The following TMPRSS15 variants were observed in gnomAD, a reference collection of about 807,000 sequenced individuals.
TMPRSS15 encodes transmembrane serine protease 15.
Under a neutral mutation model 125.3 loss-of-function variants are expected in TMPRSS15, and 128 were observed. The observed-to-expected ratio is 1.02, with a 90% CI of 0.89 to 1.18. The LOEUF is 1.18. Ranked by LOEUF, TMPRSS15 falls within the 50% of genes most tolerant of loss-of-function variation. TMPRSS15 has a pLI of 0.00. For missense variants in TMPRSS15, 1,283 were observed against 1,212.7 expected, an observed-to-expected ratio of 1.06 and a Z score of -0.86; for synonymous variants, 446 against 423.2, an observed-to-expected ratio of 1.05 and a Z score of -0.66.
At chr21:18,303,506 G>A (rs1337775135) in intron 18 of TMPRSS15, among the ~76,000 whole-genome samples, 4 of 152,126 alleles carry the variant, frequency 2.6e-5, no homozygotes, top group African/African-American at 9.7e-5. Context: ...GCAGTTGGAA[G>A]CACTTTTTAG....
chr21:18,291,905 G>C (rs2074840436), intron 21 of TMPRSS15, among the ~76,000 whole-genome samples: 1 of 152,146 alleles, frequency 6.6e-6, no homozygotes, highest in African/African-American at 2.4e-5. Context: ...GTGATTGTGT[G>C]AGAGAAGCAG....
intron 10 of TMPRSS15, among the ~76,000 whole-genome samples, chr21:18,345,852 T>C (rs1291675326): frequency 4.0e-5 from 6 of 151,342 alleles, no homozygotes; most frequent in South Asian, 2.1e-4. Flanking sequence ...CACATCATGC[T>C]CCTATTTATG....
intron 5 of TMPRSS15, among the ~76,000 whole-genome samples, chr21:18,374,107 A>G (rs1404101061): frequency 2.0e-5 from 3 of 152,202 alleles, no homozygotes; most frequent in Non-Finnish European, 4.4e-5. Flanking sequence ...TCATATTTCA[A>G]TTAGTTTTTG....
At position 18,439,915 on chromosome 21, in the gene TMPRSS15, A is replaced by C. The variant is rs74402527; in HGVS notation, c.11-41586T>G. 6.1e-3 allele frequency among the ~76,000 whole-genome samples: 930 copies of C among 152,290 alleles called. 6 individuals are homozygous for C. Among genetic ancestry groups the C allele is most frequent in the Non-Finnish European group, 9.2e-3 (623 of 68,022 alleles). On this transcript the variant is annotated intron_variant, in intron 1 of 7. Transcript: ENST00000422787. ...CAGAAAGCAGAGATCTTAGATAATG[A>C]CTTCAAAGGCACAAAATGTTTTCAT...
At chr21:18,399,970 C>T (rs2076080158) in intron 1 of TMPRSS15, among the ~76,000 whole-genome samples, 1 of 151,990 alleles carries the variant, frequency 6.6e-6, no homozygotes, top group African/African-American at 2.4e-5. Context: ...GAATTTAATC[C>T]CATTGTCAAT....
At position 18,341,529 on chromosome 21, in the gene TMPRSS15, T is replaced by A. The variant is rs1265401932; in HGVS notation, c.1448A>T (p.Lys483Ile). The A allele has an allele frequency of 6.2e-7, 1 of 1,614,080 alleles. No homozygotes were observed. Among genetic ancestry groups the A allele is most frequent in the African/African-American group, 1.3e-5 (1 of 75,048 alleles). ...VKFKVAFNAF[K>I]NKILSDIALD... ...CGCAATATCACTCAGGATCTTGTTTTTAAAAGCATTAAAAGCAACCTGCAA... is the reference window on the plus strand; with the variant it reads ...CGCAATATCACTCAGGATCTTGTTTATAAAAGCATTAAAAGCAACCTGCAA... The change falls in exon 13 of 25, where the codon AAA (lysine) becomes ATA (isoleucine). Residue 483 changes from lysine (K) to isoleucine (I), a missense_variant. Coordinates refer to ENST00000284885, the MANE Select transcript of TMPRSS15 (RefSeq NM_002772.3).
At chr21:18,385,668 C>G (rs1468596418) in intron 3 of TMPRSS15, among the ~76,000 whole-genome samples, 1 of 152,142 alleles carries the variant, frequency 6.6e-6, no homozygotes, top group Non-Finnish European at 1.5e-5. Context: ...GTACCCAAAG[C>G]CCTGACTATG....
intron 16 of TMPRSS15, 75 bp from the exon 17 acceptor site, chr21:18,315,331 G>A: frequency 7.8e-7 from 1 of 1,281,746 alleles, no homozygotes; most frequent in Non-Finnish European, 1.1e-6. Flanking sequence ...AATCCCATTT[G>A]CTCCCCTTTA....
At position 18,367,284 on chromosome 21, in the gene TMPRSS15, G is replaced by A. The variant is rs144578387; in HGVS notation, c.665-2036C>T. 6.6e-3 allele frequency among the ~76,000 whole-genome samples: 999 copies of A among 152,282 alleles called. 17 individuals are homozygous for A. Among genetic ancestry groups the A allele is most frequent in the African/African-American group, 0.023 (946 of 41,562 alleles). ...TGGTTTGTTAACTGAATTGCCTTAT[G>A]CATAATGATTACTGCAACAAACAAA... On this transcript the variant is annotated intron_variant, in intron 6 of 24. Coordinates refer to ENST00000284885, the MANE Select transcript of TMPRSS15 (RefSeq NM_002772.3).
At position 18,281,148 on chromosome 21, in the gene TMPRSS15, T is replaced by C; in HGVS notation, c.2560A>G (p.Thr854Ala). The change falls in exon 22 of 25, where the codon ACA becomes GCA. Residue 854 changes from threonine to alanine, a missense_variant. Thr to Ala is a moderately conservative substitution (Grantham distance 58, BLOSUM62 0). Transcript: ENST00000284885. The part of the protein sequence containing the change: ...HMKSNLTSPQ[T>A]VPRLIDEIVI... ...ATTTCATCTATTAATCGAGGGACTG[T>C]TTGAGGAGAGGTCAGATTTGATTTC... 6.2e-7 allele frequency: 1 copy of C among 1,614,074 alleles called. No individual in the cohort carries two copies. The highest frequency in any genetic ancestry group is 8.5e-7 in the Non-Finnish European group (1 of 1,179,990).
At chr21:18,475,341 G>T (rs374699537) in intron 1 of TMPRSS15, among the ~76,000 whole-genome samples, 1 of 152,242 alleles carries the variant, frequency 6.6e-6, no homozygotes, top group East Asian at 1.9e-4. Flanking sequence ...ACAGTGGCTC[G>T]CAATTTGGGA....
intron 1 of TMPRSS15, among the ~76,000 whole-genome samples, chr21:18,410,809 C>T (rs191957086): frequency 1.3e-5 from 2 of 152,140 alleles, no homozygotes; most frequent in East Asian, 3.9e-4. Context: ...TTCAAAAGTC[C>T]ATGTAACTTC....
At chr21:18,419,455 G>A (rs945042513) in intron 1 of TMPRSS15, among the ~76,000 whole-genome samples, 1 of 152,026 alleles carries the variant, frequency 6.6e-6, no homozygotes, top group African/African-American at 2.4e-5. Context: ...TCGATCTCCT[G>A]ACATCGTGAT....
intron 10 of TMPRSS15, among the ~76,000 whole-genome samples, chr21:18,344,883 G>A (rs936811432): frequency 6.6e-6 from 1 of 152,148 alleles, no homozygotes; most frequent in African/African-American, 2.4e-5. Context: ...TAATTTGATT[G>A]GAATGCAATT....
chr21:18,440,819 G>T (rs1443304545), intron 1 of TMPRSS15, among the ~76,000 whole-genome samples: 2 of 151,976 alleles, frequency 1.3e-5, no homozygotes, highest in East Asian at 1.9e-4. Context: ...TTCTTTAAAG[G>T]TCTGATTTAA....
chr21:18,324,951 A>G (rs1364068817), intron 16 of TMPRSS15, among the ~76,000 whole-genome samples: 1 of 152,224 alleles, frequency 6.6e-6, no homozygotes. Flanking sequence ...TAGTATAATC[A>G]TCAGCAACAA....
intron 1 of TMPRSS15, among the ~76,000 whole-genome samples, chr21:18,457,500 T>G (rs1162438019): frequency 6.6e-6 from 1 of 152,092 alleles, no homozygotes; most frequent in Non-Finnish European, 1.5e-5. Context: ...GGAGATCACT[T>G]AAGTTTCAAT....
chr21:18,353,111 A>T, intron 9 of TMPRSS15, 59 bp from the exon 10 acceptor site: 2 of 1,429,356 alleles, frequency 1.4e-6, no homozygotes, highest in Non-Finnish European at 2.0e-6. Context: ...GAGTAGTTAT[A>T]TTAGATTGTA....
intron 1 of TMPRSS15, among the ~76,000 whole-genome samples, chr21:18,443,914 G>T (rs977529723): frequency 6.6e-6 from 1 of 152,162 alleles, no homozygotes; most frequent in Non-Finnish European, 1.5e-5. Flanking sequence ...GCACAGCAAA[G>T]CAGGCAACTG....
Sources: gnomAD v4.1 joint callset for allele counts (sites outside exome capture counted in the v4.1 genomes callset) on GRCh38, gnomAD v4.1.1 for gene constraint, MANE v1.5 for transcripts, NCBI Gene and HGNC (gene_info 2026-07-23, HGNC 2026-07-21) for gene names.